Variants in COQ8A observed in about 807,000 individuals in gnomAD.
The protein encoded by COQ8A is coenzyme Q8A.
Under a neutral mutation model 65.0 loss-of-function variants are expected in COQ8A, and 51 were observed. That is an observed-to-expected ratio of 0.78 (90% CI 0.63 to 0.99). COQ8A has a LOEUF of 0.99. Among genes scored for constraint, COQ8A ranks in the 50% least tolerant of loss-of-function variants. The probability of loss-of-function intolerance (pLI) is 0.00; values close to 1 mark genes in which losing one functional copy is unlikely to be tolerated. For synonymous variants in COQ8A, 371 were observed against 353.2 expected, an observed-to-expected ratio of 1.05 and a Z score of -0.57; for missense variants, 940 against 875.0, an observed-to-expected ratio of 1.07 and a Z score of -0.94.
At chr1:226,983,110 C>T in intron 8 of COQ8A, 76 bp downstream of exon 8, 1 of 1,517,294 alleles carries the variant, frequency 6.6e-7, no homozygotes, top group Non-Finnish European at 8.9e-7. Context: ...TCATGGAGGC[C>T]TCTACACCCC....
At chr1:226,953,924 T>A (rs1297755044) in intron 1 of COQ8A, among the ~76,000 whole-genome samples, 4 of 152,210 alleles carry the variant, frequency 2.6e-5, no homozygotes, top group Admixed American at 2.0e-4. Context: ...TTGTGAGTCC[T>A]TGGAGGAAAC....
chr1:226,982,216 C>T (rs868615535), intron 6 of COQ8A, 67 bp downstream of exon 6: 37 of 1,532,616 alleles, frequency 2.4e-5, no homozygotes, highest in Admixed American at 7.9e-5. Context: ...CTTCCAGGGC[C>T]GGGAGCAGTG....
At position 226,986,870 on chromosome 1, in the gene COQ8A, G is replaced by A. The variant is rs149820067; in HGVS notation, c.*133G>A. The A allele has an allele frequency of 2.4e-3, 2,655 of 1,120,730 alleles. 50 individuals are homozygous for A. The African/African-American group carries it at 0.036, about 15-fold the overall frequency. 69.4% of individuals were successfully genotyped at this position (1,120,730 alleles called of 1,614,324 possible). ...AAGGGGGGTGGCTGCCTGGAGCCCC[G>A]TAGCCAGCGCTTTCCACGGTTTCTG... On this transcript the variant is annotated 3_prime_UTR_variant, in exon 15 of 15. Transcript: ENST00000366777.
In COQ8A at chr1:226,986,696, G is replaced by A. The variant is rs770568778; in HGVS notation, c.1903G>A (p.Glu635Lys). 1.9e-6 allele frequency: 3 copies of A among 1,613,996 alleles called. No individual in the cohort carries two copies. Among genetic ancestry groups the A allele is most frequent in the Non-Finnish European group, 2.5e-6 (3 of 1,180,042 alleles). ...ARFPCKAMFE[E>K]AYSNYCKRQA... ...CTTCCCCTGCAAGGCCATGTTCGAGGAGGCCTACAGCAACTACTGCAAGAG... is the reference window on the plus strand; with the variant it reads ...CTTCCCCTGCAAGGCCATGTTCGAGAAGGCCTACAGCAACTACTGCAAGAG... Residue 635 changes from glutamate (E) to lysine (K), a missense_variant, in exon 15 of 15, where the codon GAG (glutamate) becomes AAG (lysine). Coordinates refer to ENST00000366777, the MANE Select transcript of COQ8A (RefSeq NM_020247.5).
Position 226,983,803 on chromosome 1 carries a change from T to A in COQ8A, c.1205T>A (p.Leu402Gln). 6.2e-7 allele frequency: 1 copy of A among 1,612,576 alleles called. No homozygotes were observed. The highest frequency in any genetic ancestry group is 8.5e-7 in the Non-Finnish European group (1 of 1,179,978). Residue 402 changes from leucine (L) to glutamine (Q), a missense_variant, in exon 10 of 15, where the codon CTG becomes CAG. Physicochemically the swap from Leu to Gln is moderately radical, Grantham distance 113 (BLOSUM62 -2). Transcript: ENST00000366777. ...EHLIDVLRRELALECDYQREA... is the reference protein window; with the variant it reads ...EHLIDVLRREQALECDYQREA... ...CTGATCGACGTGCTGAGGCGGGAGC[T>A]GGCCCTGGAGTGTGACTACCAGCGA... is the stretch of plus-strand genomic sequence containing the variant.
chr1:226,954,166 G>A (rs1222128834), intron 1 of COQ8A, among the ~76,000 whole-genome samples: 2 of 152,244 alleles, frequency 1.3e-5, no homozygotes, highest in Non-Finnish European at 2.9e-5. Context: ...AGAGCCTTTG[G>A]AGGTCTGCTC....
chr1:226,968,849 A>G (rs907647511), intron 4 of COQ8A, among the ~76,000 whole-genome samples: 57 of 152,270 alleles, frequency 3.7e-4, no homozygotes, highest in African/African-American at 1.3e-3. Context: ...CTGTGATGCT[A>G]TGGGCAGGAT....
chr1:226,958,518 C>T (rs993759956), intron 1 of COQ8A, among the ~76,000 whole-genome samples: 6 of 152,326 alleles, frequency 3.9e-5, no homozygotes, highest in African/African-American at 9.6e-5. Context: ...TATAGAGGTA[C>T]GGGCATGCCA....
chr1:226,985,170 C>T (rs1454997567), intron 13 of COQ8A, 84 bp from the exon 14 acceptor site: 2 of 1,457,440 alleles, frequency 1.4e-6, no homozygotes, highest in Non-Finnish European at 1.9e-6. Context: ...GTGGGGTGGG[C>T]TCGGGTGTGG....
intron 1 of COQ8A, among the ~76,000 whole-genome samples, chr1:226,954,824 C>G (rs576067585): frequency 1.3e-5 from 2 of 152,158 alleles, no homozygotes; most frequent in Non-Finnish European, 2.9e-5. Context: ...TAGTCCTTGT[C>G]CTGTGGCTGA....
At chr1:226,941,854 G>A (rs1328230544) in intron 1 of COQ8A, among the ~76,000 whole-genome samples, 2 of 151,810 alleles carry the variant, frequency 1.3e-5, no homozygotes, top group Admixed American at 6.6e-5. Flanking sequence ...ATGCAGAATC[G>A]TAATGATTTG....
intron 1 of COQ8A, among the ~76,000 whole-genome samples, chr1:226,954,646 G>A (rs759701535): frequency 3.9e-5 from 6 of 152,272 alleles, no homozygotes; most frequent in Non-Finnish European, 8.8e-5. Context: ...TTGCCAGCAA[G>A]TGTGAGCCAG....
chr1:226,973,304 G>A (rs539426252), intron 4 of COQ8A, among the ~76,000 whole-genome samples: 99 of 152,344 alleles, frequency 6.5e-4, no homozygotes, highest in African/African-American at 2.2e-3. Context: ...TCCTTGGAAA[G>A]GGGCTTTTCT....
chr1:226,967,526 G>C (rs906874433), intron 4 of COQ8A, among the ~76,000 whole-genome samples: 16 of 152,208 alleles, frequency 1.1e-4, no homozygotes, highest in African/African-American at 3.6e-4. Context: ...ATTAGAATCT[G>C]GTGGAGCACC....
rs200907185 is a variant in COQ8A, at chr1:226,982,000, G to A, written c.731-27G>A. On this transcript the variant is annotated intron_variant, in intron 5 of 14. Coordinates refer to ENST00000366777, the MANE Select transcript of COQ8A (RefSeq NM_020247.5). ...CCACTCCCAGACCCCCCCGAGTGCC[G>A]TGGTGACCCCTCTTGCCCGCCCACA... The A allele has an allele frequency of 3.6e-3, 5,817 of 1,612,866 alleles. 22 individuals are homozygous for A. The highest frequency in any genetic ancestry group is 3.8e-3 in the Middle Eastern group (23 of 6,062).
Position 226,986,649 on chromosome 1 carries a change from T to G in COQ8A, c.1856T>G (p.Ile619Ser), listed in dbSNP as rs1660137851. 1 of 1,613,794 alleles carries G rather than the reference T, an allele frequency of 6.2e-7. No homozygotes were observed. Among genetic ancestry groups the G allele is most frequent in the African/African-American group, 1.3e-5 (1 of 74,858 alleles). The change falls in exon 15 of 15, where the codon ATC (isoleucine) becomes AGC (serine). Residue 619 changes from isoleucine to serine, a missense_variant. By Grantham distance (142) the Ile-to-Ser change is moderately radical (BLOSUM62 -2). Coordinates refer to ENST00000366777, the MANE Select transcript of COQ8A (RefSeq NM_020247.5). Reference sequence around the variant, plus strand: ...AGGAAGATGGGGGGCTCCTTCCTCATCTGCTCCAAGCTGAAGGCCCGCTTC... The same window carrying G: ...AGGAAGATGGGGGGCTCCTTCCTCAGCTGCTCCAAGCTGAAGGCCCGCTTC... Reference protein sequence around the residue: ...LHRKMGGSFLICSKLKARFPC... With the variant: ...LHRKMGGSFLSCSKLKARFPC...
intron 4 of COQ8A, among the ~76,000 whole-genome samples, chr1:226,968,328 CTG>C: frequency 6.6e-6 from 1 of 152,192 alleles, no homozygotes; most frequent in Non-Finnish European, 1.5e-5. Context: ...GAGTGAGACT[CTG>C]TCTCAAAAAA....
Position 226,982,720 on chromosome 1 carries a change from G to T in COQ8A, c.896G>T (p.Arg299Leu). 1 of 1,613,702 alleles carries T rather than the reference G, an allele frequency of 6.2e-7. No individual in the cohort carries two copies. ...CCCCACCTGGCTAAGATCTTCGAGC[G>T]GGTGCGGCAGAGCGCGGACTTCATG... is the stretch of plus-strand genomic sequence containing the variant. ...INPHLAKIFE[R>L]VRQSADFMPL... The change falls in exon 7 of 15, where the codon CGG becomes CTG. Residue 299 changes from arginine to leucine, a missense_variant. Physicochemically the swap from Arg to Leu is moderately radical, Grantham distance 102. Coordinates refer to ENST00000366777, the MANE Select transcript of COQ8A (RefSeq NM_020247.5).
chr1:226,985,247 T>C lies in COQ8A; in HGVS notation c.1573-7T>C. ...TGCCCACGGTCCCCTCCTGTGCCTC[T>C]CCCCAGATCATCAGGGCTGCTGCCG... On this transcript the variant is annotated splice_polypyrimidine_tract_variant and splice_region_variant and intron_variant, in intron 13 of 14. Transcript: ENST00000366777. The C allele has an allele frequency of 3.1e-6, 5 of 1,613,242 alleles. No homozygotes were observed. Among genetic ancestry groups the C allele is most frequent in the Non-Finnish European group, 3.4e-6 (4 of 1,179,940 alleles).
Sources: gnomAD v4.1 joint callset for allele counts (sites outside exome capture counted in the v4.1 genomes callset) on GRCh38, gnomAD v4.1.1 for gene constraint, MANE v1.5 for transcripts, NCBI Gene and HGNC (gene_info 2026-07-23, HGNC 2026-07-21) for gene names.